Variants in CDYL2 observed in about 807,000 individuals in gnomAD.
CDYL2 encodes the protein chromodomain Y-like protein 2.
Under a neutral mutation model 49.4 loss-of-function variants are expected in CDYL2, and 23 were observed. That is an observed-to-expected ratio of 0.47 (90% CI 0.34 to 0.66). The LOEUF is 0.66. CDYL2 is among the 30% of genes least tolerant of loss of function. The probability of loss-of-function intolerance (pLI) is 0.01; values close to 1 mark genes in which losing one functional copy is unlikely to be tolerated. For missense variants in CDYL2, 678 were observed against 656.4 expected, an observed-to-expected ratio of 1.03 and a Z score of -0.36; for synonymous variants, 360 against 268.8, an observed-to-expected ratio of 1.34 and a Z score of -3.32.
chr16:80,788,611 A>T (rs1185142597), intron 1 of CDYL2, among the ~76,000 whole-genome samples: 1 of 152,252 alleles, frequency 6.6e-6, no homozygotes, highest in Non-Finnish European at 1.5e-5. Flanking sequence ...GACAGAATTT[A>T]GAAGGAAAAG....
Position 80,599,424 on chromosome 16 carries a change from T to G in CDYL2, c.*4964A>C, listed in dbSNP as rs1905980466. On this transcript the variant is annotated 3_prime_UTR_variant, in exon 7 of 7. Transcript: ENST00000570137. ...AACCCCAAAAACAGTGGATACACTG[T>G]CAAGGAGCTCCATGATTTATGTTCT... 1 of 152,196 alleles carries G rather than the reference T, an allele frequency of 6.6e-6. No homozygotes were observed. Among genetic ancestry groups the G allele is most frequent in the Non-Finnish European group, 1.5e-5 (1 of 68,032 alleles). 9.4% of individuals were successfully genotyped at this position (152,196 alleles called of 1,614,324 possible).
At chr16:80,610,598 A>G (rs1379808948) in intron 5 of CDYL2, among the ~76,000 whole-genome samples, 1 of 152,074 alleles carries the variant, frequency 6.6e-6, no homozygotes, top group Admixed American at 6.5e-5. Flanking sequence ...CAAAAAACCC[A>G]TGCTAGAGCT....
intron 1 of CDYL2, among the ~76,000 whole-genome samples, chr16:80,780,397 C>CTTTTT (rs1022730941): frequency 2.0e-4 from 21 of 105,362 alleles, no homozygotes; most frequent in Non-Finnish European, 3.2e-4. Context: ...TGCACAATAT[C>CTTTTT]TTTTTTTTTT....
intron 1 of CDYL2, among the ~76,000 whole-genome samples, chr16:80,753,026 G>A (rs1244641638): frequency 3.3e-5 from 5 of 152,126 alleles, no homozygotes; most frequent in Non-Finnish European, 7.3e-5. Context: ...ATGACATGTG[G>A]CCTTCAAAAT....
At chr16:80,636,060 A>T (rs902424233) in intron 2 of CDYL2, among the ~76,000 whole-genome samples, 29 of 152,242 alleles carry the variant, frequency 1.9e-4, no homozygotes, top group African/African-American at 6.8e-4. Context: ...TAGAAAAATT[A>T]ACTCAAGATG....
At chr16:80,779,191 C>G (rs539008012) in intron 1 of CDYL2, among the ~76,000 whole-genome samples, 1 of 151,926 alleles carries the variant, frequency 6.6e-6, no homozygotes, top group Non-Finnish European at 1.5e-5. Flanking sequence ...TTAAATTACT[C>G]TCCTTTAAAA....
intron 1 of CDYL2, among the ~76,000 whole-genome samples, chr16:80,703,315 T>C (rs1567577404): frequency 6.6e-6 from 1 of 152,244 alleles, no homozygotes; most frequent in Non-Finnish European, 1.5e-5. Context: ...ACAACTAGAC[T>C]GTGGCCTCCT....
chr16:80,650,656 G>A (rs1908544011), intron 2 of CDYL2, among the ~76,000 whole-genome samples: 1 of 152,180 alleles, frequency 6.6e-6, no homozygotes, highest in South Asian at 2.1e-4. Context: ...ATATTGAAGA[G>A]ATATCTGCAC....
At chr16:80,730,846 G>C (rs906132683) in intron 1 of CDYL2, among the ~76,000 whole-genome samples, 1 of 152,134 alleles carries the variant, frequency 6.6e-6, no homozygotes, top group African/African-American at 2.4e-5. Flanking sequence ...AAAGAAGCCA[G>C]ACAAAAGGGA....
intron 3 of CDYL2, among the ~76,000 whole-genome samples, chr16:80,629,193 T>C (rs1907441440): frequency 6.6e-6 from 1 of 152,138 alleles, no homozygotes; most frequent in Non-Finnish European, 1.5e-5. Flanking sequence ...AGGGTTGACT[T>C]GGCCACAGCT....
intron 1 of CDYL2, among the ~76,000 whole-genome samples, chr16:80,739,370 C>T (rs757478924): frequency 2.0e-5 from 3 of 151,954 alleles, no homozygotes; most frequent in African/African-American, 4.8e-5. Flanking sequence ...CTTAATACCT[C>T]GGAAATGCAC....
intron 4 of CDYL2, among the ~76,000 whole-genome samples, chr16:80,615,505 G>C (rs972103053): frequency 6.6e-6 from 1 of 151,992 alleles, no homozygotes; most frequent in African/African-American, 2.4e-5. Context: ...GCCTCTGCTG[G>C]ACGTTTTTAA....
intron 2 of CDYL2, among the ~76,000 whole-genome samples, chr16:80,667,785 G>A (rs889650345): frequency 2.0e-5 from 3 of 152,204 alleles, no homozygotes; most frequent in South Asian, 2.1e-4. Flanking sequence ...CAGCGAATAT[G>A]TTAAGGGCTT....
chr16:80,692,745 A>C (rs950164430), intron 1 of CDYL2, among the ~76,000 whole-genome samples: 1 of 152,256 alleles, frequency 6.6e-6, no homozygotes, highest in African/African-American at 2.4e-5. Flanking sequence ...TGAGTATAGG[A>C]AATGGTCAAA....
chr16:80,774,083 A>G (rs1906999620), intron 1 of CDYL2, among the ~76,000 whole-genome samples: 1 of 152,182 alleles, frequency 6.6e-6, no homozygotes, highest in Admixed American at 6.5e-5. Context: ...TAAAGTGCAC[A>G]TTTATAATTT....
intron 1 of CDYL2, among the ~76,000 whole-genome samples, chr16:80,701,224 T>C (rs940982761): frequency 6.6e-6 from 1 of 152,216 alleles, no homozygotes; most frequent in Admixed American, 6.5e-5. Context: ...TAATGTACAG[T>C]ATGATCCCAT....
intron 1 of CDYL2, among the ~76,000 whole-genome samples, chr16:80,792,005 T>C (rs1029560800): frequency 6.6e-6 from 1 of 152,066 alleles, no homozygotes; most frequent in Non-Finnish European, 1.5e-5. Context: ...AGTCAAGAAA[T>C]ATGCAGGATG....
intron 1 of CDYL2, among the ~76,000 whole-genome samples, chr16:80,690,735 A>G (rs1910383399): frequency 6.6e-6 from 1 of 152,118 alleles, no homozygotes; most frequent in Non-Finnish European, 1.5e-5. Context: ...GAAGTCCTGA[A>G]GCATCTTTCC....
At chr16:80,713,413 G>C (rs1166871588) in intron 1 of CDYL2, among the ~76,000 whole-genome samples, 1 of 152,102 alleles carries the variant, frequency 6.6e-6, no homozygotes, top group Non-Finnish European at 1.5e-5. Context: ...AAATCAAATG[G>C]CCTTTCAGAT....
Sources: allele counts gnomAD v4.1 joint callset (sites outside exome capture counted in the v4.1 genomes callset), GRCh38; gene constraint gnomAD v4.1.1; transcripts MANE v1.5; gene names NCBI Gene and HGNC (gene_info 2026-07-23, HGNC 2026-07-21).